Variants in GRIN3A observed in about 807,000 individuals in gnomAD.
GRIN3A encodes the protein glutamate ionotropic receptor NMDA type subunit 3A, also known as glutamate receptor ionotropic, NMDA 3A.
Under a neutral mutation model 92.4 loss-of-function variants are expected in GRIN3A, and 47 were observed. That is an observed-to-expected ratio of 0.51 (90% confidence interval 0.40 to 0.65). The LOEUF is 0.65. GRIN3A is among the 30% of genes least tolerant of loss of function. The probability of loss-of-function intolerance (pLI) is 0.00; values close to 1 mark genes in which losing one functional copy is unlikely to be tolerated. For synonymous variants in GRIN3A, 527 were observed against 540.6 expected (o/e 0.97, Z 0.35); for missense variants, 1,324 against 1,393.1 (o/e 0.95, Z 0.79).
chr9:101,635,224 T>C (rs554914130), intron 3 of GRIN3A, among the ~76,000 whole-genome samples: 1 of 152,266 alleles, frequency 6.6e-6, no homozygotes, highest in South Asian at 2.1e-4. Flanking sequence ...ACTTGAGTCA[T>C]TGCATCAAGT....
chr9:101,665,358 A>G (rs551632864), intron 3 of GRIN3A, among the ~76,000 whole-genome samples: 71 of 152,078 alleles, frequency 4.7e-4, no homozygotes, highest in African/African-American at 1.7e-3. Context: ...AGAAGAGTTA[A>G]AGGAGAAAGG....
At chr9:101,622,013 G>A (rs1200781270) in intron 5 of GRIN3A, among the ~76,000 whole-genome samples, 1 of 151,970 alleles carries the variant, frequency 6.6e-6, no homozygotes, top group Admixed American at 6.6e-5. Flanking sequence ...TATCTAAGAC[G>A]GTAGTCTTAA....
At chr9:101,637,941 C>T (rs1828806092) in intron 3 of GRIN3A, among the ~76,000 whole-genome samples, 1 of 151,786 alleles carries the variant, frequency 6.6e-6, no homozygotes, top group Admixed American at 6.6e-5. Context: ...TAAATACAAT[C>T]TGTCCCCTCC....
In GRIN3A at chr9:101,631,256, T is replaced by C. The variant is rs112891413; in HGVS notation, c.2353-2855A>G. Among the ~76,000 whole-genome samples the C allele has an allele frequency of 3.3e-4, 51 of 152,312 alleles. 1 individual carries two copies. The highest frequency in any genetic ancestry group is 1.1e-3 in the African/African-American group (46 of 41,574). On this transcript the variant is annotated intron_variant, in intron 3 of 8. Coordinates refer to ENST00000361820, the MANE Select transcript of GRIN3A (RefSeq NM_133445.3). ...AAGAAAATACTTGATGAGTAATTAA[T>C]TGATAACTGTTCTTTGAACTTAGAG... is the stretch of plus-strand genomic sequence containing the variant.
At chr9:101,651,922 T>C (rs1199277517) in intron 3 of GRIN3A, among the ~76,000 whole-genome samples, 1 of 151,882 alleles carries the variant, frequency 6.6e-6, no homozygotes, top group Non-Finnish European at 1.5e-5. Flanking sequence ...ATAAGAAGTA[T>C]CAGAAAAAAT....
At chr9:101,637,171 C>A (rs1232842787) in intron 3 of GRIN3A, among the ~76,000 whole-genome samples, 1 of 152,072 alleles carries the variant, frequency 6.6e-6, no homozygotes, top group Non-Finnish European at 1.5e-5. Context: ...CGGCTCACTG[C>A]AAGCTCCGCC....
chr9:101,596,318 C>T (rs1266083035), intron 6 of GRIN3A, among the ~76,000 whole-genome samples: 16 of 152,144 alleles, frequency 1.1e-4, no homozygotes, highest in Admixed American at 1.0e-3. Context: ...AATGAAACCC[C>T]CTTTCCCAAT....
intron 1 of GRIN3A, among the ~76,000 whole-genome samples, chr9:101,709,090 ACT>A (rs1278757591): frequency 6.6e-6 from 1 of 151,270 alleles, no homozygotes; most frequent in Non-Finnish European, 1.5e-5. Context: ...CTGTATTCTA[ACT>A]CTTTGTTTTT....
rs577267507 is a variant in GRIN3A at position 101,573,275 on chromosome 9, C to T, written c.3247G>A (p.Glu1083Lys). The T allele has an allele frequency of 1.5e-5, 24 of 1,614,032 alleles. No homozygotes were observed. Among genetic ancestry groups the T allele is most frequent in the African/African-American group, 2.7e-5 (2 of 75,014 alleles). The part of the protein sequence containing the change: ...NSVMQELSEL[E>K]KQIQVIRQEL... ...TGACGGATCACCTGAATCTGCTTCT[C>T]GAGCTCTGAGAGTTCCTGCATCACT... The change falls in exon 9 of 9, where the codon GAG becomes AAG. Residue 1083 changes from glutamate to lysine, a missense_variant. Glu to Lys is a moderately conservative substitution (Grantham distance 56, BLOSUM62 1). Coordinates refer to ENST00000361820, the MANE Select transcript of GRIN3A (RefSeq NM_133445.3).
At chr9:101,638,494 A>C (rs1828812481) in intron 3 of GRIN3A, among the ~76,000 whole-genome samples, 1 of 152,164 alleles carries the variant, frequency 6.6e-6, no homozygotes, top group Non-Finnish European at 1.5e-5. Context: ...TTTTATGTTA[A>C]GTAATCTTGT....
chr9:101,737,884 G>A lies in GRIN3A; in HGVS notation c.96C>T (p.Ser32=). Reference sequence around the variant, plus strand: ...GGATCTGGCAGGGCTGCGGGTGCGAGGAGGAGCTGGGCACCCCGGCCAGCA... The same window carrying A: ...GGATCTGGCAGGGCTGCGGGTGCGAAGAGGAGCTGGGCACCCCGGCCAGCA... ...ALVLAGVPSS[S]SHPQPCQILK... is the part of the protein sequence containing the mutation. Residue 32 remains serine, a synonymous_variant, in exon 1 of 9, where the codon TCC becomes TCT. Transcript: ENST00000361820. The A allele has an allele frequency of 6.5e-7, 1 of 1,534,344 alleles. No individual in the cohort carries two copies. Among genetic ancestry groups the A allele is most frequent in the South Asian group, 1.2e-5 (1 of 84,000 alleles).
At chr9:101,617,547 C>A (rs924011812) in intron 5 of GRIN3A, among the ~76,000 whole-genome samples, 27 of 152,086 alleles carry the variant, frequency 1.8e-4, no homozygotes, top group African/African-American at 6.0e-4. Context: ...TTGCTAAAAA[C>A]AGATTACTAT....
chr9:101,610,284 A>G (rs1397347065), intron 6 of GRIN3A, among the ~76,000 whole-genome samples: 1 of 152,230 alleles, frequency 6.6e-6, no homozygotes, highest in East Asian at 1.9e-4. Context: ...TAGGAAACAG[A>G]CATGCTAGCT....
chr9:101,590,580 C>T (rs566874422), intron 6 of GRIN3A, among the ~76,000 whole-genome samples: 86 of 152,048 alleles, frequency 5.7e-4, no homozygotes, highest in Non-Finnish European at 1.0e-3. Context: ...TGGGGTTTCA[C>T]CATGTTGGCC....
At chr9:101,612,170 ATAGTG>A (rs1210596893) in intron 6 of GRIN3A, among the ~76,000 whole-genome samples, 5 of 152,220 alleles carry the variant, frequency 3.3e-5, no homozygotes, top group Non-Finnish European at 7.3e-5. Flanking sequence ...GGAGACTTTT[ATAGTG>A]GTCCAGGTGA....
At chr9:101,590,951 G>A (rs1310808433) in intron 6 of GRIN3A, among the ~76,000 whole-genome samples, 6 of 152,168 alleles carry the variant, frequency 3.9e-5, no homozygotes, top group African/African-American at 7.2e-5. Flanking sequence ...AAGCATGAGA[G>A]AATATACACC....
intron 3 of GRIN3A, 41 bp downstream of exon 3, chr9:101,670,019 T>A (rs1410748729): frequency 7.2e-7 from 1 of 1,386,352 alleles, no homozygotes; most frequent in Non-Finnish European, 1.0e-6. Flanking sequence ...TACGGAATTA[T>A]AATGGACAAT....
intron 4 of GRIN3A, among the ~76,000 whole-genome samples, chr9:101,626,019 G>A (rs918326176): frequency 3.3e-4 from 51 of 152,244 alleles, no homozygotes; most frequent in African/African-American, 1.2e-3. Flanking sequence ...TTTCAGTTAC[G>A]TGAAAAGGCG....
chr9:101,633,715 T>G (rs10119530), intron 3 of GRIN3A, among the ~76,000 whole-genome samples: 2,078 of 152,302 alleles, frequency 0.014, 46 homozygotes, highest in African/African-American at 0.046. Flanking sequence ...TGTAATATAC[T>G]TGGATTATCT....
Sources: allele counts gnomAD v4.1 joint callset (sites outside exome capture counted in the v4.1 genomes callset), GRCh38; gene constraint gnomAD v4.1.1; transcripts MANE v1.5; gene names NCBI Gene and HGNC (gene_info 2026-07-23, HGNC 2026-07-21).